Variants in DENND1A observed in about 807,000 individuals in gnomAD.
The protein encoded by DENND1A is DENN domain-containing protein 1A.
In DENND1A, 51 loss-of-function variants were observed where a neutral mutation model predicts 113.7. That is an observed-to-expected ratio of 0.45 (90% CI 0.36 to 0.57). The LOEUF (loss-of-function observed/expected upper bound fraction) is 0.57, where lower values mean the gene tolerates loss of function less well. Among genes scored for constraint, DENND1A ranks in the 20% least tolerant of loss-of-function variants. DENND1A has a pLI of 0.00. For missense variants in DENND1A, 1,258 were observed against 1,395.9 expected (o/e 0.90, Z 1.57); for synonymous variants, 565 against 570.8 (o/e 0.99, Z 0.14).
chr9:123,830,814 C>T (rs1243826987), intron 2 of DENND1A, among the ~76,000 whole-genome samples: 4 of 140,822 alleles, frequency 2.8e-5, no homozygotes, highest in South Asian at 4.5e-4. Flanking sequence ...TGCAGCGAGC[C>T]GAGATCATCC....
At chr9:123,731,221 G>A (rs543964948) in intron 5 of DENND1A, among the ~76,000 whole-genome samples, 2 of 152,144 alleles carry the variant, frequency 1.3e-5, no homozygotes, top group African/African-American at 4.8e-5. Context: ...AAACCTGCAC[G>A]TTCTGCACAT....
intron 9 of DENND1A, among the ~76,000 whole-genome samples, chr9:123,641,800 T>C (rs550076853): frequency 1.3e-5 from 2 of 152,336 alleles, no homozygotes; most frequent in South Asian, 4.1e-4. Flanking sequence ...AGGCTGTGTA[T>C]CAATCATCCG....
chr9:123,652,066 C>T lies in DENND1A; in HGVS notation c.565G>A (p.Ala189Thr), dbSNP rs751933671. The T allele has an allele frequency of 4.3e-6, 7 of 1,614,046 alleles. No homozygotes were observed. The highest frequency in any genetic ancestry group is 1.1e-5 in the South Asian group (1 of 91,074). ...ATCCGGCGTTCGTACAGCATACTGG[C>T]GTACAGATGCAACATGTTGTTAACA... ...VDVNNMLHLY[A>T]SMLYERRILI... The change falls in exon 9 of 24, where the codon GCC becomes ACC. Residue 189 changes from alanine (A) to threonine (T), a missense_variant. Around this residue, in one of 2 missense-constraint regions of DENND1A, gnomAD observed 1,159 missense variants for 1,231.7 expected, o/e 0.94. Transcript: ENST00000394215.
intron 1 of DENND1A, among the ~76,000 whole-genome samples, chr9:123,914,544 C>CAA (rs1290774207): frequency 0.15 from 9,743 of 64,988 alleles, 767 homozygotes; most frequent in African/African-American, 0.21. Flanking sequence ...GACTCCATCT[C>CAA]AAAAAAAAAA....
chr9:123,403,071 AC>A (rs2043625720), intron 21 of DENND1A, among the ~76,000 whole-genome samples: 1 of 152,124 alleles, frequency 6.6e-6, no homozygotes, highest in Admixed American at 6.5e-5. Context: ...GGCCTCCTTC[AC>A]CAGGTTCTAA....
At chr9:123,858,611 G>A (rs1045989464) in intron 2 of DENND1A, among the ~76,000 whole-genome samples, 3 of 152,096 alleles carry the variant, frequency 2.0e-5, no homozygotes, top group East Asian at 1.9e-4. Flanking sequence ...GTCGAGGGGA[G>A]GAGGTTAAAT....
intron 2 of DENND1A, among the ~76,000 whole-genome samples, chr9:123,831,230 A>G (rs1840163322): frequency 6.6e-6 from 1 of 152,190 alleles, no homozygotes; most frequent in Non-Finnish European, 1.5e-5. Flanking sequence ...AGAAATAAAT[A>G]TAATGAAAAT....
chr9:123,643,945 C>T (rs926424710), intron 9 of DENND1A, among the ~76,000 whole-genome samples: 1 of 152,144 alleles, frequency 6.6e-6, no homozygotes, highest in East Asian at 1.9e-4. Context: ...CCATGGCCAA[C>T]AGGGTCATGC....
In DENND1A at chr9:123,860,801, G is replaced by A. The variant is rs1254474385; in HGVS notation, c.88+18150C>T. ...CTATGTCCTCCGCTTTACAGTGCTC[G>A]GCACCACACAATAGAGTTTCTCATA... is the stretch of plus-strand genomic sequence containing the variant. On this transcript the variant is annotated intron_variant, in intron 2 of 23. Coordinates refer to ENST00000394215, the MANE Select transcript of DENND1A (RefSeq NM_001352964.2). Among the ~76,000 whole-genome samples the A allele has an allele frequency of 3.9e-5, 6 of 152,288 alleles. No homozygotes were observed. In the East Asian group the frequency reaches 5.8e-4, roughly 15 times the overall value.
Position 123,902,873 on chromosome 9 carries a change from A to C in DENND1A, c.18-23852T>G, listed in dbSNP as rs868388105. On this transcript the variant is annotated intron_variant, in intron 1 of 23. Coordinates refer to ENST00000394215, the MANE Select transcript of DENND1A (RefSeq NM_001352964.2). The stretch of plus-strand genomic sequence containing the variant: ...AATCCGACAAGATTACAAAAAAAAA[A>C]TTGTAGCCAAAATCTCTTATGAATA... Among the ~76,000 whole-genome samples, 20 of 151,988 alleles carry C rather than the reference A, an allele frequency of 1.3e-4. 1 individual carries two copies. Among genetic ancestry groups the C allele is most frequent in the African/African-American group, 4.6e-4 (19 of 41,402 alleles).
At chr9:123,908,591 G>T (rs979524786) in intron 1 of DENND1A, among the ~76,000 whole-genome samples, 16 of 150,256 alleles carry the variant, frequency 1.1e-4, no homozygotes, top group African/African-American at 3.7e-4. Context: ...AAAGACACAT[G>T]AAAAAATGCT....
intron 20 of DENND1A, among the ~76,000 whole-genome samples, chr9:123,403,869 C>T (rs956724913): frequency 6.6e-6 from 1 of 152,134 alleles, no homozygotes. Flanking sequence ...CCTCTGATGC[C>T]CAGAAGCTGG....
chr9:123,633,914 C>A (rs1238111192), intron 9 of DENND1A, among the ~76,000 whole-genome samples: 5 of 152,146 alleles, frequency 3.3e-5, no homozygotes, highest in Non-Finnish European at 5.9e-5. Context: ...TCTCTAACTC[C>A]ACAACATATA....
intron 13 of DENND1A, among the ~76,000 whole-genome samples, chr9:123,524,433 T>C (rs1284012455): frequency 6.6e-6 from 1 of 152,064 alleles, no homozygotes; most frequent in Non-Finnish European, 1.5e-5. Flanking sequence ...CCTTCATGGG[T>C]CCACAAGGAA....
chr9:123,686,948 C>T (rs906344242), intron 5 of DENND1A, among the ~76,000 whole-genome samples: 1 of 152,120 alleles, frequency 6.6e-6, no homozygotes, highest in African/African-American at 2.4e-5. Flanking sequence ...ATCATTCAAT[C>T]GCAAATCTCT....
intron 1 of DENND1A, among the ~76,000 whole-genome samples, chr9:123,926,970 G>T (rs985380262): frequency 6.6e-6 from 1 of 152,092 alleles, no homozygotes; most frequent in Admixed American, 6.6e-5. Flanking sequence ...AACAGGAGGG[G>T]GTGGGGGTGG....
intron 13 of DENND1A, among the ~76,000 whole-genome samples, chr9:123,510,353 T>C (rs1346103710): frequency 6.6e-6 from 1 of 152,250 alleles, no homozygotes; most frequent in Non-Finnish European, 1.5e-5. Context: ...TAAAGGGAAA[T>C]ACACAATAGA....
At chr9:123,641,796 T>C (rs2062042770) in intron 9 of DENND1A, among the ~76,000 whole-genome samples, 1 of 152,228 alleles carries the variant, frequency 6.6e-6, no homozygotes, top group Non-Finnish European at 1.5e-5. Context: ...AATCAGGCTG[T>C]GTATCAATCA....
chr9:123,482,549 C>T (rs938676298), intron 13 of DENND1A, among the ~76,000 whole-genome samples: 1 of 152,168 alleles, frequency 6.6e-6, no homozygotes, highest in African/African-American at 2.4e-5. Context: ...GGAAGGGTGG[C>T]TGTTTTTGCC....
Sources: gnomAD v4.1 joint callset for allele counts (sites outside exome capture counted in the v4.1 genomes callset) on GRCh38, gnomAD v4.1.1 for gene constraint, gnomAD v4.1.1 regional missense constraint, MANE v1.5 for transcripts, NCBI Gene and HGNC (gene_info 2026-07-23, HGNC 2026-07-21) for gene names.